PDE8A: variants seen among roughly 807,000 people sequenced by gnomAD.
The protein encoded by PDE8A is high affinity cAMP-specific and IBMX-insensitive 3',5'-cyclic phosphodiesterase 8A.
PDE8A carries 59 observed loss-of-function variants against 105.0 expected under a neutral mutation model. That is an observed-to-expected ratio of 0.56 (90% confidence interval 0.46 to 0.70). The LOEUF (loss-of-function observed/expected upper bound fraction) is 0.70, where lower values mean the gene tolerates loss of function less well. PDE8A is among the 30% of genes least tolerant of loss of function. The probability of loss-of-function intolerance (pLI) is 0.00; values close to 1 mark genes in which losing one functional copy is unlikely to be tolerated. For synonymous variants in PDE8A, 355 were observed against 371.9 expected, an observed-to-expected ratio of 0.95 and a Z score of 0.52; for missense variants, 1,014 against 1,045.9, an observed-to-expected ratio of 0.97 and a Z score of 0.42.
At chr15:85,078,341 A>AT (rs1436657552) in intron 5 of PDE8A, among the ~76,000 whole-genome samples, 2 of 151,896 alleles carry the variant, frequency 1.3e-5, no homozygotes, top group East Asian at 3.9e-4. Flanking sequence ...AGGTCAGGAG[A>AT]TTGAGACCAT....
Position 85,101,865 on chromosome 15 carries a change from A to G in PDE8A, c.1036+1667A>G, listed in dbSNP as rs562546440. ...GGCAGTAGCAGTAGGGCTGGGGAGG[A>G]TGAATGTGGAGAGCTCTACCTGTGA... On this transcript the variant is annotated intron_variant, in intron 11 of 21. Transcript: ENST00000394553. Among the ~76,000 whole-genome samples the G allele has an allele frequency of 8.9e-4, 136 of 152,140 alleles. 1 individual carries two copies. Among genetic ancestry groups the G allele is most frequent in the Non-Finnish European group, 1.6e-3 (109 of 67,984 alleles).
intron 1 of PDE8A, among the ~76,000 whole-genome samples, chr15:84,999,551 T>TTTGTTGTTGTTG (rs3077007): frequency 3.3e-5 from 5 of 150,946 alleles, no homozygotes; most frequent in South Asian, 2.1e-4. Flanking sequence ...GCCTCCCTTT[T>TTTGTTGTTGTTG]TTGTTGTTGT....
intron 13 of PDE8A, 24 bp from the exon 14 acceptor site, chr15:85,113,849 A>G: frequency 6.3e-7 from 1 of 1,587,328 alleles, no homozygotes; most frequent in Non-Finnish European, 8.6e-7. Flanking sequence ...TATGAAACTC[A>G]AGTATTTTCT....
chr15:85,096,681 A>T (rs1279819939), intron 8 of PDE8A, among the ~76,000 whole-genome samples: 2 of 152,042 alleles, frequency 1.3e-5, no homozygotes, highest in Non-Finnish European at 2.9e-5. Context: ...GTGGCTTTGG[A>T]CTACAAGCCT....
intron 1 of PDE8A, among the ~76,000 whole-genome samples, chr15:85,037,790 A>C (rs1182816257): frequency 6.6e-6 from 1 of 152,212 alleles, no homozygotes; most frequent in Admixed American, 6.5e-5. Flanking sequence ...CACTGAATAC[A>C]CTATTCATTT....
At chr15:85,105,686 G>C (rs1026818305) in intron 11 of PDE8A, among the ~76,000 whole-genome samples, 1 of 152,204 alleles carries the variant, frequency 6.6e-6, no homozygotes. Context: ...GAAGCCAAGA[G>C]CAGAGACATG....
intron 1 of PDE8A, among the ~76,000 whole-genome samples, chr15:85,049,440 A>G (rs2080938641): frequency 6.6e-6 from 1 of 152,196 alleles, no homozygotes; most frequent in South Asian, 2.1e-4. Context: ...GTGGAATCAT[A>G]TAGAATTTGT....
intron 1 of PDE8A, among the ~76,000 whole-genome samples, chr15:85,002,370 T>A (rs913819974): frequency 2.6e-5 from 4 of 152,182 alleles, no homozygotes; most frequent in Non-Finnish European, 2.9e-5. Flanking sequence ...AGGATACAAA[T>A]GAACAGACAG....
intron 19 of PDE8A, among the ~76,000 whole-genome samples, chr15:85,124,464 C>T (rs2082229138): frequency 6.6e-6 from 1 of 152,214 alleles, no homozygotes; most frequent in African/African-American, 2.4e-5. Context: ...CTATCACCAT[C>T]CTGAGATATT....
intron 1 of PDE8A, among the ~76,000 whole-genome samples, chr15:84,992,511 G>A (rs1196532469): frequency 1.3e-5 from 2 of 152,134 alleles, no homozygotes; most frequent in Non-Finnish European, 2.9e-5. Context: ...TTTCAGCGGG[G>A]TAGTCAAAGG....
intron 1 of PDE8A, among the ~76,000 whole-genome samples, chr15:85,023,680 G>T (rs975000430): frequency 6.6e-6 from 1 of 152,198 alleles, no homozygotes; most frequent in African/African-American, 2.4e-5. Flanking sequence ...AGTTCTGGCT[G>T]ATGAGGGGCT....
At chr15:85,090,758 C>T (rs2081629138) in intron 7 of PDE8A, 1 of 506,798 alleles carries the variant, frequency 2.0e-6, no homozygotes, top group African/African-American at 1.9e-5. Flanking sequence ...GTGCACATCC[C>T]TTCCTCTGCC....
At chr15:85,032,593 T>G (rs868361192) in intron 1 of PDE8A, among the ~76,000 whole-genome samples, 30 of 152,142 alleles carry the variant, frequency 2.0e-4, no homozygotes, top group African/African-American at 7.0e-4. Flanking sequence ...GACTTCTGGT[T>G]TATGGGATTG....
intron 1 of PDE8A, among the ~76,000 whole-genome samples, chr15:85,023,414 C>T (rs979661713): frequency 6.6e-6 from 1 of 151,936 alleles, no homozygotes; most frequent in Non-Finnish European, 1.5e-5. Context: ...GGCTTTGCCA[C>T]ATATTGTGGT....
chr15:85,030,652 A>G (rs1248826587), intron 1 of PDE8A, among the ~76,000 whole-genome samples: 2 of 152,122 alleles, frequency 1.3e-5, no homozygotes, highest in Non-Finnish European at 2.9e-5. Flanking sequence ...TTTCAACCAT[A>G]CTTAGTCATT....
rs749247151 is a variant in PDE8A at position 85,113,947 on chromosome 15, A to C, written c.1260A>C (p.Glu420Asp). 2 of 1,613,794 alleles carry C rather than the reference A, an allele frequency of 1.2e-6. No homozygotes were observed. The highest frequency in any genetic ancestry group is 3.3e-5 in the Admixed American group (2 of 60,028). Residue 420 changes from glutamate (E) to aspartate (D), a missense_variant, in exon 14 of 22, where the codon GAA (glutamate) becomes GAC (aspartate). Physicochemically the swap from Glu to Asp is conservative, Grantham distance 45. Coordinates refer to ENST00000394553, the MANE Select transcript of PDE8A (RefSeq NM_002605.3). ...CAGAAGCCCTAGACCGTGTGCTGGA[A>C]ATTCTAAGAACCACTGAGTTATATT... ...PVTEALDRVLEILRTTELYSP... is the reference protein window; with the variant it reads ...PVTEALDRVLDILRTTELYSP...
rs1309796321 is a variant in PDE8A, at chr15:85,009,791, C to G, written c.186+27443C>G. ...CCAGTTCTACTTCCAGTTATATAGCCAGCAGAAATGTGTAGATATGTTCAC... is the reference window on the plus strand; with the variant it reads ...CCAGTTCTACTTCCAGTTATATAGCGAGCAGAAATGTGTAGATATGTTCAC... On this transcript the variant is annotated intron_variant, in intron 1 of 21. Coordinates refer to ENST00000394553, the MANE Select transcript of PDE8A (RefSeq NM_002605.3). Among the ~76,000 whole-genome samples, 11 of 152,254 alleles carry G rather than the reference C, an allele frequency of 7.2e-5. No homozygotes were observed. In the East Asian group the frequency reaches 1.9e-3, roughly 27 times the overall value.
chr15:85,099,981 A>G (rs758291655), intron 9 of PDE8A, 34 bp from the exon 10 acceptor site: 1 of 1,555,760 alleles, frequency 6.4e-7, no homozygotes, highest in East Asian at 2.2e-5. Flanking sequence ...TTAGAGACTC[A>G]GAAGAGAAAT....
At chr15:85,123,715 A>G (rs1177206083) in intron 19 of PDE8A, among the ~76,000 whole-genome samples, 1 of 152,236 alleles carries the variant, frequency 6.6e-6, no homozygotes, top group East Asian at 1.9e-4. Flanking sequence ...CCCAGGATCA[A>G]TACTTTGTAT....
Sources: gnomAD v4.1 joint callset for allele counts (sites outside exome capture counted in the v4.1 genomes callset) on GRCh38, gnomAD v4.1.1 for gene constraint, MANE v1.5 for transcripts, NCBI Gene and HGNC (gene_info 2026-07-23, HGNC 2026-07-21) for gene names.